The following MCPH1 variants were observed in gnomAD, a reference collection of about 807,000 sequenced individuals.
MCPH1 encodes the protein microcephalin 1, also known as microcephalin.
Under a neutral mutation model 84.5 loss-of-function variants are expected in MCPH1, and 104 were observed. The ratio of observed to expected loss-of-function variants is 1.23; its 90% confidence interval spans 1.05 to 1.45. The LOEUF is 1.45. Ranked by LOEUF, MCPH1 falls within the 40% of genes most tolerant of loss-of-function variation. The pLI, the probability that MCPH1 is intolerant of heterozygous loss-of-function variation, is 0.00. For missense variants in MCPH1, 1,498 were observed against 1,005.7 expected, an observed-to-expected ratio of 1.49 and a Z score of -6.62; for synonymous variants, 514 against 366.8, an observed-to-expected ratio of 1.40 and a Z score of -4.58.
intron 12 of MCPH1, among the ~76,000 whole-genome samples, chr8:6,613,383 T>C (rs1038422540): frequency 7.9e-5 from 12 of 152,048 alleles, no homozygotes; most frequent in Non-Finnish European, 1.6e-4. Flanking sequence ...AAGCTCGGCA[T>C]CTGAATTTAA....
intron 12 of MCPH1, among the ~76,000 whole-genome samples, chr8:6,564,330 C>A (rs566255785): frequency 6.6e-6 from 1 of 152,266 alleles, no homozygotes; most frequent in South Asian, 2.1e-4. Flanking sequence ...TTTTGTAACA[C>A]ATTATCAATT....
At chr8:6,532,790 G>C (rs980574875) in intron 12 of MCPH1, among the ~76,000 whole-genome samples, 9 of 152,152 alleles carry the variant, frequency 5.9e-5, no homozygotes, top group Non-Finnish European at 1.2e-4. Context: ...AGGGTGGTGA[G>C]GGCAGCCACA....
chr8:6,542,568 C>T (rs772278118), intron 12 of MCPH1, among the ~76,000 whole-genome samples: 1 of 151,542 alleles, frequency 6.6e-6, no homozygotes, highest in African/African-American at 2.4e-5. Context: ...CCCGCACTCT[C>T]ATCGCTGTAC....
rs192393108 is a variant in MCPH1 at position 6,442,812 on chromosome 8, T to C, written c.670+656T>C. On this transcript the variant is annotated intron_variant, in intron 7 of 13. Transcript: ENST00000344683. ...ATGTTCAAAAGTGCTTGAGATGTTA[T>C]GGAAAATTTATCATGAAAGCCACAG... 2.2e-3 allele frequency among the ~76,000 whole-genome samples: 332 copies of C among 152,304 alleles called. 2 individuals carry two copies. The highest frequency in any genetic ancestry group is 7.2e-3 in the African/African-American group (298 of 41,554).
intron 8 of MCPH1, among the ~76,000 whole-genome samples, chr8:6,454,790 G>A (rs1278526699): frequency 1.3e-5 from 2 of 152,286 alleles, no homozygotes; most frequent in African/African-American, 4.8e-5. Context: ...ATATGGAACT[G>A]CCTACTCTGA....
chr8:6,499,327 G>C (rs1811706394), intron 11 of MCPH1, among the ~76,000 whole-genome samples: 1 of 152,010 alleles, frequency 6.6e-6, no homozygotes, highest in African/African-American at 2.4e-5. Flanking sequence ...CTTGTTTATG[G>C]GACATTTTAC....
At chr8:6,619,814 G>T (rs1433270957) in intron 12 of MCPH1, among the ~76,000 whole-genome samples, 1 of 151,944 alleles carries the variant, frequency 6.6e-6, no homozygotes, top group Non-Finnish European at 1.5e-5. Flanking sequence ...TTGATCTCCT[G>T]ACCTTGTGAC....
intron 9 of MCPH1, among the ~76,000 whole-genome samples, chr8:6,477,058 A>G (rs1433759360): frequency 1.2e-4 from 1 of 8,058 alleles, no homozygotes; most frequent in East Asian, 5.7e-3. Context: ...TAAACATTTT[A>G]TTTAAATTTT....
At position 6,421,959 on chromosome 8, in the gene MCPH1, C is replaced by G. The variant is rs956733537; in HGVS notation, c.233+7076C>G. Among the ~76,000 whole-genome samples, 4 of 152,230 alleles carry G rather than the reference C, an allele frequency of 2.6e-5. No homozygotes were observed. The East Asian group carries it at 7.7e-4, about 29-fold the overall frequency. On this transcript the variant is annotated intron_variant, in intron 3 of 13. Transcript: ENST00000344683. ...CTGATTCTAAACCCAGTTTTGTAGT[C>G]AGCTCCTTTATACATGTTGCATTGC... is the stretch of plus-strand genomic sequence containing the variant.
At chr8:6,514,588 T>A in intron 12 of MCPH1, 1 of 1,154,860 alleles carries the variant, frequency 8.7e-7, no homozygotes, top group East Asian at 2.4e-5. Flanking sequence ...CATTGGTTAG[T>A]TTGGGATTGG....
rs183178120 is a variant in MCPH1, at chr8:6,635,628, A to G, written c.2453-7366A>G. ...AAAAAACTAAGTAAATATTTTGTAC[A>G]TGAAACAAACTTTGTGTACACTGAA... On this transcript the variant is annotated intron_variant, in intron 13 of 13. Coordinates refer to ENST00000344683, the MANE Select transcript of MCPH1 (RefSeq NM_024596.5). Among the ~76,000 whole-genome samples the G allele has an allele frequency of 2.1e-4, 32 of 152,266 alleles. No individual in the cohort carries two copies. In the East Asian group the frequency reaches 5.8e-3, roughly 28 times the overall value.
intron 13 of MCPH1, among the ~76,000 whole-genome samples, chr8:6,639,661 T>C (rs1269666258): frequency 1.3e-5 from 2 of 149,536 alleles, no homozygotes; most frequent in Admixed American, 1.3e-4. Context: ...AGATCCTGTC[T>C]CTTTAAAAAA....
At position 6,410,443 on chromosome 8, in the gene MCPH1, A is replaced by C. The variant is rs560915044; in HGVS notation, c.114+1073A>C. Among the ~76,000 whole-genome samples the C allele has an allele frequency of 2.0e-5, 3 of 152,328 alleles. No homozygotes were observed. The East Asian group carries it at 5.8e-4, about 29-fold the overall frequency. On this transcript the variant is annotated intron_variant, in intron 2 of 13. Transcript: ENST00000344683. The stretch of plus-strand genomic sequence containing the variant: ...TGCAGTTTTCAGTGAAATGGGCAGG[A>C]ATCATTGAGCTATGAGGAAATGGAG...
intron 12 of MCPH1, among the ~76,000 whole-genome samples, chr8:6,560,300 T>C (rs1825327847): frequency 6.6e-6 from 1 of 152,222 alleles, no homozygotes; most frequent in Admixed American, 6.5e-5. Context: ...TCTGTGCTAA[T>C]TAAATCAGTG....
chr8:6,559,313 C>T (rs760258002), intron 12 of MCPH1, among the ~76,000 whole-genome samples: 8 of 151,986 alleles, frequency 5.3e-5, no homozygotes, highest in Non-Finnish European at 8.8e-5. Flanking sequence ...CCCCTGGGAG[C>T]CCCTCACCAT....
At chr8:6,480,632 G>A (rs1586024019) in intron 10 of MCPH1, 82 bp from the exon 11 acceptor site, 1 of 1,513,820 alleles carries the variant, frequency 6.6e-7, no homozygotes, top group Non-Finnish European at 9.2e-7. Flanking sequence ...AGTTTTATTA[G>A]TACTAATATT....
chr8:6,434,978 G>C (rs1802433236), intron 4 of MCPH1, among the ~76,000 whole-genome samples: 1 of 152,178 alleles, frequency 6.6e-6, no homozygotes, highest in Non-Finnish European at 1.5e-5. Flanking sequence ...ACAGAAAGTG[G>C]GGTGGGTAAG....
At chr8:6,624,989 C>A in intron 13 of MCPH1, 1 of 558,934 alleles carries the variant, frequency 1.8e-6, no homozygotes, top group Non-Finnish European at 2.3e-6. Flanking sequence ...GATTCTTCTG[C>A]CTCAGCCTTC....
At chr8:6,521,490 A>G (rs1231856374) in intron 12 of MCPH1, 1 of 1,027,034 alleles carries the variant, frequency 9.7e-7, no homozygotes, top group African/African-American at 1.6e-5. Flanking sequence ...TACTTCTCCA[A>G]GGTACTCTGT....
Sources: allele counts gnomAD v4.1 joint callset (sites outside exome capture counted in the v4.1 genomes callset), GRCh38; gene constraint gnomAD v4.1.1; transcripts MANE v1.5; gene names NCBI Gene and HGNC (gene_info 2026-07-23, HGNC 2026-07-21).